ERBB3: variants seen among roughly 807,000 people sequenced by gnomAD.
ERBB3 encodes the protein receptor tyrosine-protein kinase erbB-3.
A neutral mutation model predicts 156.7 loss-of-function variants in ERBB3; 96 were observed. The observed-to-expected ratio is 0.61, with a 90% CI of 0.52 to 0.73. The LOEUF (loss-of-function observed/expected upper bound fraction) is 0.73. ERBB3 is among the 30% of genes least tolerant of loss of function. The probability of loss-of-function intolerance (pLI) is 0.00; values close to 1 mark genes in which losing one functional copy is unlikely to be tolerated. For missense variants in ERBB3, 1,406 were observed against 1,709.4 expected (o/e 0.82, Z 3.13); for synonymous variants, 567 against 632.0 (o/e 0.90, Z 1.54).
At position 56,080,233 on chromosome 12, in the gene ERBB3, C is replaced by T. The variant is rs1172801639; in HGVS notation, c.-68C>T. The T allele has an allele frequency of 1.7e-5, 22 of 1,308,910 alleles. No individual in the cohort carries two copies. Among genetic ancestry groups the T allele is most frequent in the Non-Finnish European group, 2.3e-5 (21 of 931,146 alleles). 81.1% of individuals were successfully genotyped at this position (1,308,910 alleles called of 1,614,324 possible). A position where few individuals can be genotyped will look rare whatever the true frequency, so the allele number is the denominator to read the frequency against. ...TCGCCAGCGGTTCAGGTGGCTCTTG[C>T]CTCGATGTCCTAGCCTAGGGGCCCC... is the stretch of plus-strand genomic sequence containing the variant. On this transcript the variant is annotated 5_prime_UTR_variant, in exon 1 of 28. Transcript: ENST00000267101.
rs905252379 is a variant in ERBB3 at position 56,093,697 on chromosome 12, G to T, written c.1481-67G>T. The stretch of plus-strand genomic sequence containing the variant: ...TTAGGCTGGAAGCAGTAACGAGGAA[G>T]AATAATGAAGAGAGGGCTTGCTGGG... On this transcript the variant is annotated intron_variant, in intron 12 of 27. Transcript: ENST00000267101. The T allele has an allele frequency of 4.7e-5, 76 of 1,605,574 alleles. 2 individuals are homozygous for T. In the South Asian group the frequency reaches 7.9e-4, roughly 17 times the overall value.
intron 11 of ERBB3, 57 bp downstream of exon 11, chr12:56,093,133 G>A: frequency 7.4e-7 from 1 of 1,356,074 alleles, no homozygotes; most frequent in Non-Finnish European, 1.1e-6. Flanking sequence ...TGTGTCATAG[G>A]CATTCTTTAG....
At chr12:56,084,772 C>T (rs1368547366) in intron 2 of ERBB3, among the ~76,000 whole-genome samples, 2 of 151,870 alleles carry the variant, frequency 1.3e-5, no homozygotes, top group South Asian at 2.1e-4. Flanking sequence ...TGCTTGAACC[C>T]GGGAGGTGGA....
At chr12:56,098,242 A>C in intron 21 of ERBB3, 2 of 428,404 alleles carry the variant, frequency 4.7e-6, no homozygotes, top group Non-Finnish European at 7.8e-6. Flanking sequence ...GTCTCTACTA[A>C]ATATACAAAA....
At chr12:56,089,193 G>A in intron 9 of ERBB3, 1 of 461,594 alleles carries the variant, frequency 2.2e-6, no homozygotes, top group South Asian at 1.6e-5. Flanking sequence ...GAGTGCAGTG[G>A]CGTGATCTCG....
chr12:56,093,806 G>C lies in ERBB3; in HGVS notation c.1523G>C (p.Gly508Ala), dbSNP rs765496438. The C allele has an allele frequency of 3.1e-6, 5 of 1,614,082 alleles. No individual in the cohort carries two copies. In the Admixed American group the frequency reaches 8.3e-5, roughly 27 times the overall value. ...TGTGACCCACTGTGCTCCTCTGGGG[G>C]ATGCTGGGGCCCAGGCCCTGGTCAG... is the stretch of plus-strand genomic sequence containing the variant. ...KVCDPLCSSGGCWGPGPGQCL... is the reference protein window; with the variant it reads ...KVCDPLCSSGACWGPGPGQCL... Residue 508 changes from glycine to alanine, a missense_variant, in exon 13 of 28, where the codon GGA (glycine) becomes GCA (alanine). Physicochemically the swap from Gly to Ala is moderately conservative, Grantham distance 60 (BLOSUM62 0). Coordinates refer to ENST00000267101, the MANE Select transcript of ERBB3 (RefSeq NM_001982.4).
At position 56,087,794 on chromosome 12, in the gene ERBB3, G is replaced by T; in HGVS notation, c.614-1G>T. 6.2e-7 allele frequency: 1 copy of T among 1,613,468 alleles called. No individual in the cohort carries two copies. Among genetic ancestry groups the T allele is most frequent in the South Asian group, 1.1e-5 (1 of 91,066 alleles). On this transcript the variant is annotated splice_acceptor_variant, in intron 5 of 27. Transcript: ENST00000267101. LOFTEE classifies it high-confidence loss of function. ...CAGCCATGCTTTCTCTCCTTCCATA[G>T]TGACCAAGACCATCTGTGCTCCTCA...
At position 56,094,214 on chromosome 12, in the gene ERBB3, C is replaced by T. The variant is rs148962556; in HGVS notation, c.1704+25C>T. On this transcript the variant is annotated intron_variant, in intron 14 of 27. Transcript: ENST00000267101. ...GGTATACTAGTAGCACCAGGATCTC[C>T]AAGGGAGACAGAGAAGGGGCAATAC... 1.5e-5 allele frequency: 24 copies of T among 1,588,170 alleles called. No individual in the cohort carries two copies. In the East Asian group the frequency reaches 4.7e-4, roughly 31 times the overall value.
chr12:56,080,232 G>T lies in ERBB3; in HGVS notation c.-69G>T. On this transcript the variant is annotated 5_prime_UTR_variant, in exon 1 of 28. Transcript: ENST00000267101. ...TTCGCCAGCGGTTCAGGTGGCTCTTGCCTCGATGTCCTAGCCTAGGGGCCC... is the reference window on the plus strand; with the variant it reads ...TTCGCCAGCGGTTCAGGTGGCTCTTTCCTCGATGTCCTAGCCTAGGGGCCC... 7.7e-7 allele frequency: 1 copy of T among 1,294,324 alleles called. No homozygotes were observed. The allele number at this position is 1,294,324 out of a possible 1,614,324, so 80.2% of individuals were successfully genotyped here.
intron 1 of ERBB3, 31 bp downstream of exon 1, chr12:56,080,413 G>C: frequency 6.5e-7 from 1 of 1,532,128 alleles, no homozygotes; most frequent in Non-Finnish European, 8.9e-7. Context: ...GGCGGGCTCG[G>C]CACCTGGGAG....
chr12:56,103,412 GAT>G lies in ERBB3; in HGVS notation c.*1358_*1359del, dbSNP rs1869192399. On this transcript the variant is annotated 3_prime_UTR_variant, in exon 28 of 28. Coordinates refer to ENST00000267101, the MANE Select transcript of ERBB3 (RefSeq NM_001982.4). ...TCAGCTGCACACCTCTGTCCCCTTG[GAT>G]GGGGAACTAAGGGAAAACGTCTGTT... The G allele has an allele frequency of 4.6e-6, 1 of 215,398 alleles. No individual in the cohort carries two copies. Among genetic ancestry groups the G allele is most frequent in the Non-Finnish European group, 9.3e-6 (1 of 107,252 alleles). The allele number at this position is 215,398 out of a possible 1,614,324, so 13.3% of individuals were successfully genotyped here. A position where few individuals can be genotyped will look rare whatever the true frequency, so the allele number is the denominator to read the frequency against.
Position 56,101,031 on chromosome 12 carries a change from G to A in ERBB3, c.3202-30G>A, listed in dbSNP as rs769144559. The A allele has an allele frequency of 1.9e-6, 3 of 1,586,954 alleles. No homozygotes were observed. The South Asian group carries it at 3.4e-5, about 18-fold the overall frequency. On this transcript the variant is annotated intron_variant, in intron 26 of 27. Coordinates refer to ENST00000267101, the MANE Select transcript of ERBB3 (RefSeq NM_001982.4). Reference sequence around the variant, plus strand: ...CTTTCCTCATCATGTAAATTTCCTTGCATTATTTTCTGTTTATTTTCTTCC... The same window carrying A: ...CTTTCCTCATCATGTAAATTTCCTTACATTATTTTCTGTTTATTTTCTTCC...
In ERBB3 at chr12:56,101,695, G is replaced by C; in HGVS notation, c.3669G>C (p.Glu1223Asp). The C allele has an allele frequency of 5.6e-6, 9 of 1,614,052 alleles. No individual in the cohort carries two copies. Among genetic ancestry groups the C allele is most frequent in the Non-Finnish European group, 7.6e-6 (9 of 1,180,018 alleles). The change falls in exon 28 of 28, where the codon GAG becomes GAC. Residue 1223 changes from glutamate (E) to aspartate (D), a missense_variant. Coordinates refer to ENST00000267101, the MANE Select transcript of ERBB3 (RefSeq NM_001982.4). Reference protein sequence around the residue: ...RPSSLEELGYEYMDVGSDLSA... With the variant: ...RPSSLEELGYDYMDVGSDLSA... ...GTTCCCTTGAGGAGCTGGGTTATGA[G>C]TACATGGATGTGGGGTCAGACCTCA...
intron 1 of ERBB3, among the ~76,000 whole-genome samples, chr12:56,082,740 C>A (rs1868368334): frequency 6.6e-6 from 1 of 152,160 alleles, no homozygotes; most frequent in Non-Finnish European, 1.5e-5. Context: ...ACCACATTTG[C>A]AAAGAAGAGT....
chr12:56,096,259 C>A lies in ERBB3; in HGVS notation c.2056-244C>A, dbSNP rs1288531061. The A allele has an allele frequency of 5.2e-6, 3 of 579,206 alleles. No homozygotes were observed. The African/African-American group carries it at 5.6e-5, about 11-fold the overall frequency. 35.9% of individuals were successfully genotyped at this position (579,206 alleles called of 1,614,324 possible). A position where few individuals can be genotyped will look rare whatever the true frequency, so the allele number is the denominator to read the frequency against. On this transcript the variant is annotated intron_variant, in intron 17 of 27. Coordinates refer to ENST00000267101, the MANE Select transcript of ERBB3 (RefSeq NM_001982.4). ...CTCTCCCTAGCTGTCCCCTTCCCCA[C>A]TTTGTGCTCCTCCATCAAAGGGAAA...
intron 3 of ERBB3, 79 bp downstream of exon 3, chr12:56,085,260 T>C (rs1455633819): frequency 1.2e-6 from 2 of 1,610,718 alleles, no homozygotes; most frequent in East Asian, 4.5e-5. Flanking sequence ...GACCCAAGAC[T>C]GCTCACTCTA....
chr12:56,081,831 C>T (rs1226069342), intron 1 of ERBB3, among the ~76,000 whole-genome samples: 5 of 152,094 alleles, frequency 3.3e-5, no homozygotes, highest in Non-Finnish European at 7.4e-5. Flanking sequence ...GCTGGAGATT[C>T]TGGCTCTATC....
chr12:56,086,823 T>C (rs1186132407), intron 4 of ERBB3, among the ~76,000 whole-genome samples, 167 bp downstream of exon 4: 1 of 152,018 alleles, frequency 6.6e-6, no homozygotes, highest in African/African-American at 2.4e-5. Flanking sequence ...TCTCCTGGAA[T>C]CTAAACCACA....
At position 56,083,742 on chromosome 12, in the gene ERBB3, T is replaced by C; in HGVS notation, c.83-9T>C. 6.2e-7 allele frequency: 1 copy of C among 1,614,126 alleles called. No homozygotes were observed. The highest frequency in any genetic ancestry group is 8.5e-7 in the Non-Finnish European group (1 of 1,180,004). ...AGCCCTCAGCCACTCTTCCCTCTGCTTTGAACAGTGTGTCCTGGGACTCTG... is the reference window on the plus strand; with the variant it reads ...AGCCCTCAGCCACTCTTCCCTCTGCCTTGAACAGTGTGTCCTGGGACTCTG... On this transcript the variant is annotated splice_polypyrimidine_tract_variant and intron_variant, in intron 1 of 27. Coordinates refer to ENST00000267101, the MANE Select transcript of ERBB3 (RefSeq NM_001982.4).
Sources: allele counts gnomAD v4.1 joint callset (sites outside exome capture counted in the v4.1 genomes callset), GRCh38; gene constraint gnomAD v4.1.1; transcripts MANE v1.5; gene names NCBI Gene and HGNC (gene_info 2026-07-23, HGNC 2026-07-21).